Variants in PRELID2 observed in about 807,000 individuals in gnomAD.
The protein encoded by PRELID2 is PRELI domain containing 2.
PRELID2 carries 25 observed loss-of-function variants against 28.4 expected under a neutral mutation model. The ratio of observed to expected loss-of-function variants is 0.88; its 90% CI spans 0.64 to 1.23. The LOEUF is 1.23. PRELID2 is among the 50% of genes most tolerant of loss of function. The pLI is 0.00. For missense variants in PRELID2, 201 were observed against 214.4 expected (o/e 0.94, Z 0.39); for synonymous variants, 76 against 71.6 (o/e 1.06, Z -0.31).
chr5:145,351,538 T>C, the PRELID2 span, among the ~76,000 whole-genome samples: 1 of 152,144 alleles, frequency 6.6e-6, no homozygotes, highest in Non-Finnish European at 1.5e-5. Context: ...ATATGGGAAC[T>C]ATAATTCCAG....
intron 1 of PRELID2, among the ~76,000 whole-genome samples, chr5:145,609,364 C>T (rs1307006862): frequency 2.0e-5 from 3 of 152,288 alleles, no homozygotes; most frequent in Non-Finnish European, 2.9e-5. Flanking sequence ...CCTAAGTTCC[C>T]GTGCTGGTTC....
chr5:145,664,880 A>C (rs1275584203), intron 1 of PRELID2, among the ~76,000 whole-genome samples: 5 of 152,102 alleles, frequency 3.3e-5, no homozygotes, highest in African/African-American at 1.2e-4. Context: ...GCAGCTGCCA[A>C]GGAGCTGTCA....
chr5:145,627,383 T>C (rs13155495), intron 1 of PRELID2, among the ~76,000 whole-genome samples: 1 of 151,940 alleles, frequency 6.6e-6, no homozygotes, highest in African/African-American at 2.4e-5. Flanking sequence ...TAGAAGGGGG[T>C]GGGTACAATG....
the PRELID2 span, among the ~76,000 whole-genome samples, chr5:145,449,345 C>G: frequency 6.6e-6 from 1 of 151,990 alleles, no homozygotes; most frequent in African/African-American, 2.4e-5. Context: ...GGATGGGGAG[C>G]TGGATAGGAG....
chr5:145,585,358 G>A (rs1445376971), intron 1 of PRELID2, among the ~76,000 whole-genome samples: 1 of 151,930 alleles, frequency 6.6e-6, no homozygotes, highest in East Asian at 1.9e-4. Context: ...CTAGGTGATG[G>A]GATGATCTGT....
chr5:145,487,709 C>T (rs1752230158), intron 1 of PRELID2, among the ~76,000 whole-genome samples: 3 of 152,148 alleles, frequency 2.0e-5, no homozygotes, highest in African/African-American at 7.2e-5. Flanking sequence ...ATTTCTCTGT[C>T]TTCCCCCATT....
At chr5:145,692,566 AACAATGTTAATTTTGC>A (rs1755172472) in intron 1 of PRELID2, among the ~76,000 whole-genome samples, 1 of 152,192 alleles carries the variant, frequency 6.6e-6, no homozygotes, top group African/African-American at 2.4e-5. Flanking sequence ...CATTTTGTCT[AACAATGTTAATTTTGC>A]ACCATAAACA....
chr5:145,382,045 G>A, the PRELID2 span, among the ~76,000 whole-genome samples: 1 of 151,312 alleles, frequency 6.6e-6, no homozygotes, highest in African/African-American at 2.4e-5. Flanking sequence ...ACAAAAGGAT[G>A]AATGGGAAAT....
the PRELID2 span, among the ~76,000 whole-genome samples, chr5:145,358,154 C>T: frequency 6.6e-6 from 1 of 152,062 alleles, no homozygotes; most frequent in Non-Finnish European, 1.5e-5. Context: ...TATCTGCTGT[C>T]TCAGTGCTTC....
chr5:145,647,684 A>C (rs10075168), intron 1 of PRELID2, among the ~76,000 whole-genome samples: 4,660 of 152,284 alleles, frequency 0.031, 255 homozygotes, highest in African/African-American at 0.11. Context: ...ACCGGAGGGA[A>C]TCTCCTGCTC....
chr5:145,308,456 C>T, the PRELID2 span, among the ~76,000 whole-genome samples: 1 of 152,126 alleles, frequency 6.6e-6, no homozygotes, highest in Non-Finnish European at 1.5e-5. Context: ...ATTATAATTC[C>T]TAGTCGAATT....
At chr5:145,608,661 T>A (rs1024604270) in intron 1 of PRELID2, among the ~76,000 whole-genome samples, 1 of 152,144 alleles carries the variant, frequency 6.6e-6, no homozygotes, top group Admixed American at 6.5e-5. Context: ...TCTCCCTAGC[T>A]CCCTTTAATA....
the PRELID2 span, among the ~76,000 whole-genome samples, chr5:145,380,174 C>T: frequency 6.6e-6 from 1 of 152,204 alleles, no homozygotes. Context: ...TCTCCTCATG[C>T]CGGGGTCCCA....
At chr5:145,411,572 C>T in the PRELID2 span, among the ~76,000 whole-genome samples, 1 of 152,236 alleles carries the variant, frequency 6.6e-6, no homozygotes, top group East Asian at 1.9e-4. Context: ...CAGCTGCTTT[C>T]ATGGGCTGAC....
chr5:145,409,428 G>A, the PRELID2 span, among the ~76,000 whole-genome samples: 1 of 152,070 alleles, frequency 6.6e-6, no homozygotes. Context: ...ATACAGAATT[G>A]CAGAATGGAT....
intron 5 of PRELID2, among the ~76,000 whole-genome samples, chr5:145,774,816 T>C (rs2149786559): frequency 6.6e-6 from 1 of 152,352 alleles, no homozygotes; most frequent in Admixed American, 6.5e-5. Context: ...AGCTAAGGCC[T>C]CTATCTACTA....
chr5:145,628,975 G>A (rs900366498), intron 1 of PRELID2, among the ~76,000 whole-genome samples: 3 of 152,170 alleles, frequency 2.0e-5, no homozygotes, highest in Non-Finnish European at 2.9e-5. Context: ...TCAGAAAATG[G>A]GCAAGGAAGG....
intron 1 of PRELID2, among the ~76,000 whole-genome samples, chr5:145,576,118 G>GTA (rs1753058245): frequency 6.6e-6 from 1 of 152,110 alleles, no homozygotes; most frequent in Non-Finnish European, 1.5e-5. Flanking sequence ...AGCTTTATTA[G>GTA]TATATAATTC....
the PRELID2 span, among the ~76,000 whole-genome samples, chr5:145,451,276 T>C: frequency 8.5e-3 from 1,302 of 152,282 alleles, 8 homozygotes; most frequent in Middle Eastern, 0.031. Context: ...ACATGTGTCC[T>C]CACCACTCCA....
Sources: gnomAD v4.1 joint callset for allele counts (sites outside exome capture counted in the v4.1 genomes callset) on GRCh38, gnomAD v4.1.1 for gene constraint, MANE v1.5 for transcripts, NCBI Gene and HGNC (gene_info 2026-07-23, HGNC 2026-07-21) for gene names.